RARB: variants seen among roughly 807,000 people sequenced by gnomAD.
RARB encodes HBV-activated protein.
RARB carries 17 observed loss-of-function variants against 51.9 expected under a neutral mutation model. The ratio of observed to expected loss-of-function variants is 0.33; its 90% CI spans 0.22 to 0.49. RARB has a LOEUF of 0.49. RARB is among the 20% of genes least tolerant of loss of function. The pLI, the probability that RARB is intolerant of heterozygous loss-of-function variation, is 0.99. For synonymous variants in RARB, 215 were observed against 195.4 expected (o/e 1.10, Z -0.84); for missense variants, 369 against 550.8 (o/e 0.67, Z 3.30).
intron 3 of RARB, among the ~76,000 whole-genome samples, chr3:25,094,576 G>A (rs1218525250): frequency 1.3e-5 from 2 of 151,972 alleles, no homozygotes; most frequent in Admixed American, 1.3e-4. Flanking sequence ...AAATTAGCCA[G>A]GTGTGATGGC....
At chr3:25,424,138 G>A (rs150910842), upstream of RARB, among the ~76,000 whole-genome samples, 257 of 152,242 alleles carry the variant, frequency 1.7e-3, 1 homozygote, top group Non-Finnish European at 2.5e-3. Context: ...TGAAGGACAC[G>A]GTGGCCAACA....
At chr3:25,544,109 T>C (rs1300038481) in intron 3 of RARB, among the ~76,000 whole-genome samples, 3 of 152,172 alleles carry the variant, frequency 2.0e-5, no homozygotes, top group Non-Finnish European at 4.4e-5. Context: ...GTAATTTTCT[T>C]CCAAAGGCCA....
chr3:24,991,427 G>A (rs1418366109), intron 2 of RARB, among the ~76,000 whole-genome samples: 4 of 140,586 alleles, frequency 2.8e-5, no homozygotes, highest in African/African-American at 8.3e-5. Flanking sequence ...TGGGCAACAA[G>A]AGCAAAACTC....
At chr3:25,262,308 T>G (rs1703018424) in intron 5 of RARB, among the ~76,000 whole-genome samples, 1 of 152,138 alleles carries the variant, frequency 6.6e-6, no homozygotes, top group Admixed American at 6.6e-5. Flanking sequence ...GATGCGCTCC[T>G]CCCCATCACT....
At chr3:25,458,598 C>T (rs1287386828) in intron 1 of RARB, among the ~76,000 whole-genome samples, 1 of 152,166 alleles carries the variant, frequency 6.6e-6, no homozygotes, top group South Asian at 2.1e-4. Flanking sequence ...AAAACAGTTG[C>T]TGCCACTGTG....
At chr3:25,394,027 G>A (rs528446097) in intron 5 of RARB, among the ~76,000 whole-genome samples, 1 of 151,914 alleles carries the variant, frequency 6.6e-6, no homozygotes, top group South Asian at 2.1e-4. Context: ...TGTTCTTTTT[G>A]ATGAAGGTGT....
At chr3:25,015,010 G>A (rs1348020840) in intron 2 of RARB, among the ~76,000 whole-genome samples, 2 of 152,120 alleles carry the variant, frequency 1.3e-5, no homozygotes, top group African/African-American at 2.4e-5. Flanking sequence ...GGAAAACAGC[G>A]TTGTTTATCT....
intron 5 of RARB, among the ~76,000 whole-genome samples, chr3:25,297,304 A>G (rs1044968503): frequency 1.3e-4 from 19 of 151,878 alleles, no homozygotes; most frequent in African/African-American, 3.6e-4. Context: ...ACATAGAATT[A>G]GAGGACAAAA....
intron 5 of RARB, among the ~76,000 whole-genome samples, chr3:25,239,491 TAGG>T (rs1702379476): frequency 6.6e-6 from 1 of 152,176 alleles, no homozygotes; most frequent in African/African-American, 2.4e-5. Context: ...TGATGAGAGA[TAGG>T]AGTCCATTTT....
intron 3 of RARB, among the ~76,000 whole-genome samples, chr3:25,114,469 C>G (rs1014805706): frequency 6.6e-6 from 1 of 152,166 alleles, no homozygotes; most frequent in Non-Finnish European, 1.5e-5. Context: ...ATGATCCCAT[C>G]TTGTAGGGAT....
chr3:25,340,787 G>C (rs1026613749), intron 5 of RARB, among the ~76,000 whole-genome samples: 1 of 152,166 alleles, frequency 6.6e-6, no homozygotes, highest in Non-Finnish European at 1.5e-5. Flanking sequence ...GGAGGATCTC[G>C]CTTTGGAGAA....
chr3:25,461,210 A>C lies in RARB; in HGVS notation c.175A>C (p.Thr59Pro). Residue 59 changes from threonine to proline, a missense_variant, in exon 2 of 8, where the codon ACC (threonine) becomes CCC (proline). Transcript: ENST00000330688. ...HTAQSIETQS[T>P]SSEELVPSPP... The stretch of plus-strand genomic sequence containing the variant: ...TATTATAGCAATTGAAACACAGAGC[A>C]CCAGCTCTGAGGAACTCGTCCCAAG... 6.2e-7 allele frequency: 1 copy of C among 1,613,126 alleles called. No homozygotes were observed. The highest frequency in any genetic ancestry group is 8.5e-7 in the Non-Finnish European group (1 of 1,179,572).
chr3:25,164,512 A>C (rs1201335131), intron 4 of RARB, among the ~76,000 whole-genome samples: 2 of 152,162 alleles, frequency 1.3e-5, no homozygotes, highest in Admixed American at 6.5e-5. Flanking sequence ...GTACCTTGAA[A>C]ATTCTTGCTT....
chr3:25,134,356 C>CTG (rs1481935816), intron 4 of RARB, among the ~76,000 whole-genome samples: 2 of 151,912 alleles, frequency 1.3e-5, no homozygotes, highest in African/African-American at 2.4e-5. Context: ...CTAGAGCCAG[C>CTG]TGCTTGGGTT....
intron 1 of RARB, among the ~76,000 whole-genome samples, chr3:24,853,239 C>A (rs1481143349): frequency 2.0e-5 from 3 of 151,990 alleles, no homozygotes; most frequent in Non-Finnish European, 4.4e-5. Context: ...ATGGTGTGAA[C>A]CCGGGAGGCG....
At chr3:25,258,236 G>T (rs1191638215) in intron 5 of RARB, among the ~76,000 whole-genome samples, 3 of 152,068 alleles carry the variant, frequency 2.0e-5, no homozygotes, top group African/African-American at 7.2e-5. Context: ...CTCTAAAGAT[G>T]ATTTCCATAT....
intron 2 of RARB, among the ~76,000 whole-genome samples, chr3:25,031,780 C>T (rs1372910685): frequency 6.6e-6 from 1 of 152,132 alleles, no homozygotes; most frequent in Non-Finnish European, 1.5e-5. Context: ...CTAAAAAGGG[C>T]AGTTGCAAAT....
intron 5 of RARB, among the ~76,000 whole-genome samples, chr3:25,585,502 A>AT (rs1264095406): frequency 3.3e-5 from 5 of 152,210 alleles, no homozygotes; most frequent in East Asian, 1.9e-4. Flanking sequence ...TAAGTGCTGT[A>AT]TTTTTTACAA....
At chr3:25,151,252 G>A (rs760383026) in intron 4 of RARB, among the ~76,000 whole-genome samples, 2 of 152,222 alleles carry the variant, frequency 1.3e-5, no homozygotes, top group Non-Finnish European at 2.9e-5. Flanking sequence ...TATGAGGGTA[G>A]TGTCTTCATC....
Sources: gnomAD v4.1 joint callset for allele counts (sites outside exome capture counted in the v4.1 genomes callset) on GRCh38, gnomAD v4.1.1 for gene constraint, MANE v1.5 for transcripts, NCBI Gene and HGNC (gene_info 2026-07-23, HGNC 2026-07-21) for gene names.